Variants in SHC3 observed in about 807,000 individuals in gnomAD.
The protein encoded by SHC3 is SHC-transforming protein 3.
SHC3 carries 15 observed loss-of-function variants against 60.4 expected under a neutral mutation model. The observed-to-expected ratio is 0.25, with a 90% CI of 0.17 to 0.38. The LOEUF is 0.38. Among genes scored for constraint, SHC3 ranks in the 10% least tolerant of loss-of-function variants. The pLI is 1.00. For synonymous variants in SHC3, 294 were observed against 325.9 expected (o/e 0.90, Z 1.05); for missense variants, 677 against 786.1 (o/e 0.86, Z 1.66).
At chr9:89,107,283 A>G (rs1390097689) in intron 2 of SHC3, among the ~76,000 whole-genome samples, 1 of 152,208 alleles carries the variant, frequency 6.6e-6, no homozygotes, top group Non-Finnish European at 1.5e-5. Context: ...GTAGTATCCC[A>G]TGACTGCAGT....
intron 1 of SHC3, among the ~76,000 whole-genome samples, chr9:89,149,107 G>A (rs1306284881): frequency 2.0e-5 from 3 of 152,158 alleles, no homozygotes; most frequent in South Asian, 2.1e-4. Context: ...AAGTGGCATC[G>A]CTGTGTGCAT....
At chr9:89,039,944 ACAG>A (rs1824648147) in intron 10 of SHC3, among the ~76,000 whole-genome samples, 3 of 150,114 alleles carry the variant, frequency 2.0e-5, no homozygotes, top group Admixed American at 1.3e-4. Context: ...GGCAGCAGTA[ACAG>A]CAGCAGCAGT....
At chr9:89,065,627 G>C (rs764383353) in intron 5 of SHC3, 47 bp from the exon 6 acceptor site, 1 of 1,588,626 alleles carries the variant, frequency 6.3e-7, no homozygotes, top group Admixed American at 1.7e-5. Flanking sequence ...ACAAGTGAGA[G>C]ACCACACAGT....
chr9:89,045,633 A>T (rs1485702075), intron 9 of SHC3, 113 bp downstream of exon 9: 1 of 893,244 alleles, frequency 1.1e-6, no homozygotes, highest in Non-Finnish European at 1.7e-6. Context: ...CACACAGCAC[A>T]TATATCCAGG....
intron 1 of SHC3, among the ~76,000 whole-genome samples, chr9:89,119,121 G>T (rs999085258): frequency 1.3e-5 from 2 of 152,060 alleles, no homozygotes; most frequent in African/African-American, 4.8e-5. Context: ...GAACTGAGTA[G>T]TTCTAGGTAA....
chr9:89,095,087 G>T (rs534458455), intron 2 of SHC3, among the ~76,000 whole-genome samples: 4 of 152,038 alleles, frequency 2.6e-5, no homozygotes, highest in Admixed American at 6.6e-5. Flanking sequence ...ACATATAATC[G>T]CCATATGATC....
At chr9:89,145,496 C>T (rs1392507223) in intron 1 of SHC3, among the ~76,000 whole-genome samples, 1 of 152,176 alleles carries the variant, frequency 6.6e-6, no homozygotes, top group African/African-American at 2.4e-5. Context: ...ACAGTGAACA[C>T]TAAACAGCAC....
intron 1 of SHC3, among the ~76,000 whole-genome samples, chr9:89,113,481 C>G (rs952072498): frequency 2.0e-5 from 3 of 151,982 alleles, no homozygotes; most frequent in Admixed American, 6.6e-5. Flanking sequence ...CAGAGCGAGA[C>G]TCCATCTCAA....
intron 1 of SHC3, among the ~76,000 whole-genome samples, chr9:89,176,656 C>T (rs925943619): frequency 1.3e-5 from 2 of 152,112 alleles, no homozygotes; most frequent in African/African-American, 2.4e-5. Context: ...TATTCAGTAC[C>T]TCTTAAAATA....
At chr9:89,049,592 TTAAA>T (rs1171326942) in intron 7 of SHC3, among the ~76,000 whole-genome samples, 3 of 152,222 alleles carry the variant, frequency 2.0e-5, no homozygotes, top group Non-Finnish European at 2.9e-5. Context: ...CCCATGGAGA[TTAAA>T]TAAGTGTTAA....
At chr9:89,077,804 G>A (rs1825383036) in intron 3 of SHC3, 36 bp downstream of exon 3, 5 of 1,612,040 alleles carry the variant, frequency 3.1e-6, no homozygotes, top group Non-Finnish European at 4.2e-6. Flanking sequence ...GGAAGTAGAG[G>A]AGACACAGTT....
chr9:89,134,341 G>A (rs1291604885), intron 1 of SHC3, among the ~76,000 whole-genome samples: 1 of 152,048 alleles, frequency 6.6e-6, no homozygotes, highest in East Asian at 1.9e-4. Flanking sequence ...TTGTTAAAAA[G>A]ATTCTTTGTG....
chr9:89,015,121 A>G (rs1826073588), intron 11 of SHC3, among the ~76,000 whole-genome samples: 1 of 152,126 alleles, frequency 6.6e-6, no homozygotes, highest in African/African-American at 2.4e-5. Flanking sequence ...GAGGTTGTTT[A>G]ATTCTCTTGG....
At chr9:89,025,648 C>T (rs944708887) in intron 11 of SHC3, among the ~76,000 whole-genome samples, 3 of 152,190 alleles carry the variant, frequency 2.0e-5, no homozygotes, top group African/African-American at 7.2e-5. Context: ...AATTCAGGCA[C>T]AACTGACCAG....
chr9:89,106,446 C>A (rs548564413), intron 2 of SHC3, among the ~76,000 whole-genome samples: 17 of 152,356 alleles, frequency 1.1e-4, no homozygotes, highest in Non-Finnish European at 1.6e-4. Flanking sequence ...CCTGGGAGTG[C>A]CTGCATCTAG....
At chr9:89,114,104 T>C (rs1272433879) in intron 1 of SHC3, among the ~76,000 whole-genome samples, 1 of 152,168 alleles carries the variant, frequency 6.6e-6, no homozygotes, top group Non-Finnish European at 1.5e-5. Flanking sequence ...GTTATGTGAA[T>C]ACCATGAACA....
chr9:89,177,664 A>T (rs552080812), intron 1 of SHC3, among the ~76,000 whole-genome samples: 87 of 152,292 alleles, frequency 5.7e-4, no homozygotes, highest in African/African-American at 1.9e-3. Flanking sequence ...CCCGCTGCCC[A>T]GGGTTGGGCG....
chr9:89,051,983 A>T (rs1169004539), intron 7 of SHC3, 54 bp downstream of exon 7: 2 of 1,601,420 alleles, frequency 1.2e-6, no homozygotes, highest in African/African-American at 2.7e-5. Flanking sequence ...TTTTAAGAGG[A>T]AAGGTCATAA....
intron 1 of SHC3, among the ~76,000 whole-genome samples, chr9:89,151,625 T>A (rs1564182604): frequency 6.6e-6 from 1 of 152,236 alleles, no homozygotes; most frequent in East Asian, 1.9e-4. Context: ...GGGCTGTTTT[T>A]AAATTCTGTT....
Sources: gnomAD v4.1 joint callset for allele counts (sites outside exome capture counted in the v4.1 genomes callset) on GRCh38, gnomAD v4.1.1 for gene constraint, MANE v1.5 for transcripts, NCBI Gene and HGNC (gene_info 2026-07-23, HGNC 2026-07-21) for gene names.